Variants in ANKFY1 observed in about 807,000 individuals in gnomAD.
ANKFY1 encodes ankyrin repeat and FYVE domain containing 1.
ANKFY1 carries 47 observed loss-of-function variants against 128.3 expected under a neutral mutation model. The observed-to-expected ratio is 0.37, with a 90% CI of 0.29 to 0.47. The LOEUF is 0.47. Ranked by LOEUF, ANKFY1 falls within the 20% of genes least tolerant of loss-of-function variation. The pLI, the probability that ANKFY1 is intolerant of heterozygous loss-of-function variation, is 1.00. For synonymous variants in ANKFY1, 553 were observed against 601.6 expected (o/e 0.92, Z 1.18); for missense variants, 1,222 against 1,510.6 (o/e 0.81, Z 3.17).
At chr17:4,182,460 TCA>T in intron 14 of ANKFY1, 111 bp from the exon 15 acceptor site, 1 of 766,820 alleles carries the variant, frequency 1.3e-6, no homozygotes, top group East Asian at 3.0e-5. Flanking sequence ...TCATATTCAC[TCA>T]CAATCATTCA....
intron 19 of ANKFY1, among the ~76,000 whole-genome samples, chr17:4,175,655 C>A (rs1461964200): frequency 6.6e-6 from 1 of 152,134 alleles, no homozygotes; most frequent in Non-Finnish European, 1.5e-5. Context: ...CCCCAGAACT[C>A]TGGGCGCCCA....
intron 3 of ANKFY1, chr17:4,223,263 T>G (rs1051100143): frequency 6.9e-6 from 6 of 864,156 alleles, no homozygotes; most frequent in Non-Finnish European, 1.2e-5. Context: ...CTGCCTTACA[T>G]GAACTGAGGG....
intron 1 of ANKFY1, among the ~76,000 whole-genome samples, chr17:4,256,746 G>A (rs995715084): frequency 6.6e-6 from 1 of 152,132 alleles, no homozygotes; most frequent in African/African-American, 2.4e-5. Flanking sequence ...TAAGGTTAAG[G>A]TTGTGTCTTG....
chr17:4,189,545 C>T lies in ANKFY1; in HGVS notation c.1373-66G>A, dbSNP rs372897521. 499 of 1,324,408 alleles carry T rather than the reference C, an allele frequency of 3.8e-4. 5 individuals carry two copies. In the East Asian group the frequency reaches 6.2e-3, roughly 17 times the overall value. The allele number at this position is 1,324,408 out of a possible 1,614,324, so 82.0% of individuals were successfully genotyped here. On this transcript the variant is annotated intron_variant, in intron 10 of 24. Transcript: ENST00000341657. ...AAAATGCGGTCACGCTGCACAACACCCTGCTCTTCCCTGCCACCCTATGAC... is the reference window on the plus strand; with the variant it reads ...AAAATGCGGTCACGCTGCACAACACTCTGCTCTTCCCTGCCACCCTATGAC...
intron 2 of ANKFY1, among the ~76,000 whole-genome samples, chr17:4,238,699 C>T (rs978199241): frequency 2.0e-5 from 3 of 151,998 alleles, no homozygotes; most frequent in African/African-American, 4.8e-5. Flanking sequence ...GTCTCGAACT[C>T]CTGATCCGCC....
intron 1 of ANKFY1, among the ~76,000 whole-genome samples, chr17:4,260,660 GA>G: frequency 7.0e-6 from 1 of 142,672 alleles, no homozygotes; most frequent in African/African-American, 2.6e-5. Context: ...ATGAAGCTTA[GA>G]TTAAGCAGGA....
intron 3 of ANKFY1, among the ~76,000 whole-genome samples, chr17:4,232,566 CT>C (rs1441859334): frequency 6.6e-6 from 1 of 152,224 alleles, no homozygotes; most frequent in East Asian, 1.9e-4. Context: ...AAGCGGATCA[CT>C]CCTGAAAGCA....
chr17:4,189,361 C>T (rs574907356), intron 11 of ANKFY1, 21 bp downstream of exon 11: 35 of 1,544,642 alleles, frequency 2.3e-5, no homozygotes, highest in Admixed American at 1.5e-4. Context: ...CCATTTTCTC[C>T]GGCTGCCCTG....
chr17:4,174,121 C>A lies in ANKFY1; in HGVS notation c.2776-65G>T, dbSNP rs1430126672. 2.6e-6 allele frequency: 4 copies of A among 1,560,384 alleles called. No individual in the cohort carries two copies. In the African/African-American group the frequency reaches 4.1e-5, roughly 16 times the overall value. On this transcript the variant is annotated intron_variant, in intron 19 of 24. Coordinates refer to ENST00000341657, the MANE Select transcript of ANKFY1 (RefSeq NM_001330063.2). ...ACAATCAAGATCCCCCTTATGGGGG[C>A]CGAGCCTGCTTGTCTTCTGACACCC...
chr17:4,263,838 A>T, intron 1 of ANKFY1, 94 bp downstream of exon 1: 1 of 1,610,992 alleles, frequency 6.2e-7, no homozygotes, highest in Non-Finnish European at 8.5e-7. Context: ...CCATGCAACC[A>T]CGCCCGGCCT....
chr17:4,186,852 T>G, intron 11 of ANKFY1: 2 of 1,009,724 alleles, frequency 2.0e-6, no homozygotes, highest in East Asian at 9.3e-5. Flanking sequence ...TCCAGCCCCA[T>G]TCTTGCATCT....
Position 4,173,445 on chromosome 17 carries a change from C to G in ANKFY1, c.2924-1G>C, listed in dbSNP as rs751734592. 1.2e-6 allele frequency: 2 copies of G among 1,614,056 alleles called. No individual in the cohort carries two copies. Among genetic ancestry groups the G allele is most frequent in the South Asian group, 1.1e-5 (1 of 91,084 alleles). On this transcript the variant is annotated splice_acceptor_variant, in intron 20 of 24. Coordinates refer to ENST00000341657, the MANE Select transcript of ANKFY1 (RefSeq NM_001330063.2). LOFTEE classifies it high-confidence loss of function. ...CCGTGCATGACAGCAAGATGAAGAG[C>G]TGGGAAGTAAATCCTCTTACTATGC...
rs775180647 is a variant in ANKFY1 at position 4,195,012 on chromosome 17, G to C, written c.1338C>G (p.Arg446=). Residue 446 remains arginine, a synonymous_variant, in exon 10 of 25, where the codon CGC becomes CGG. Coordinates refer to ENST00000341657, the MANE Select transcript of ANKFY1 (RefSeq NM_001330063.2). ...ENSFAARLIQ[R]GSHTDAPDTA... ...TGTCAGGTGCGTCTGTGTGGCTGCC[G>C]CGCTGGATGAGTCTGGCTGCAAAGC... 1 of 1,614,040 alleles carries C rather than the reference G, an allele frequency of 6.2e-7. No homozygotes were observed.
At chr17:4,188,591 T>G (rs1288797013) in intron 11 of ANKFY1, 1 of 152,208 alleles carries the variant, frequency 6.6e-6, no homozygotes, top group East Asian at 1.9e-4. Context: ...TTAAAGCTGC[T>G]AGCAGAAAGT....
intron 1 of ANKFY1, 180 bp downstream of exon 1, chr17:4,263,752 G>A: frequency 2.0e-6 from 3 of 1,509,448 alleles, no homozygotes; most frequent in Non-Finnish European, 2.6e-6. Flanking sequence ...CGTTGTCATA[G>A]GAACCGCGCT....
chr17:4,224,916 GCA>G (rs35173078), intron 3 of ANKFY1, among the ~76,000 whole-genome samples: 10,077 of 150,162 alleles, frequency 0.067, 804 homozygotes, highest in African/African-American at 0.19. Flanking sequence ...ATAGTGCTAT[GCA>G]CAGAGTGGGT....
intron 1 of ANKFY1, among the ~76,000 whole-genome samples, chr17:4,245,299 G>C (rs1166668562): frequency 6.6e-6 from 1 of 152,040 alleles, no homozygotes; most frequent in African/African-American, 2.4e-5. Context: ...TGAAACTCCT[G>C]AACTCAAGTG....
At chr17:4,247,872 G>A (rs1967633874) in intron 1 of ANKFY1, among the ~76,000 whole-genome samples, 1 of 152,138 alleles carries the variant, frequency 6.6e-6, no homozygotes, top group South Asian at 2.1e-4. Context: ...ACTAATACAT[G>A]TAATAACCTT....
chr17:4,215,969 T>C (rs143688244), intron 4 of ANKFY1, among the ~76,000 whole-genome samples: 61 of 152,290 alleles, frequency 4.0e-4, no homozygotes, highest in African/African-American at 1.3e-3. Context: ...TCCTCAATAA[T>C]CAAATCAGCT....
Sources: allele counts gnomAD v4.1 joint callset (sites outside exome capture counted in the v4.1 genomes callset), GRCh38; gene constraint gnomAD v4.1.1; transcripts MANE v1.5; gene names NCBI Gene and HGNC (gene_info 2026-07-23, HGNC 2026-07-21).